A3GALT2: variants seen among roughly 807,000 people sequenced by gnomAD.
A3GALT2 encodes alpha-1,3-galactosyltransferase 2.
Under a neutral mutation model 16.6 loss-of-function variants are expected in A3GALT2, and 14 were observed. The observed-to-expected ratio is 0.84, with a 90% CI of 0.56 to 1.32. The LOEUF (loss-of-function observed/expected upper bound fraction) is 1.32. A3GALT2 is among the 40% of genes most tolerant of loss of function. The probability of loss-of-function intolerance (pLI) is 0.00; values close to 1 mark genes in which losing one functional copy is unlikely to be tolerated. For synonymous variants in A3GALT2, 253 were observed against 218.0 expected (o/e 1.16, Z -1.42); for missense variants, 600 against 490.9 (o/e 1.22, Z -2.10).
At chr1:33,314,477 G>A (rs1021917902) in intron 1 of A3GALT2, 2 of 152,526 alleles carry the variant, frequency 1.3e-5, no homozygotes, top group African/African-American at 4.8e-5. Context: ...CAGCAGGTGT[G>A]TCTAGTAAAG....
At position 33,306,921 on chromosome 1, in the gene A3GALT2, C is replaced by G; in HGVS notation, c.868G>C (p.Asp290His). Reference protein sequence around the residue: ...RARGLEARWHDESHLNKFFWL... With the variant: ...RARGLEARWHHESHLNKFFWL... ...AAGAACTTGTTGAGGTGGCTCTCGT[C>G]GTGCCAGCGCGCCTCCAGGCCGCGC... is the stretch of plus-strand genomic sequence containing the variant. Residue 290 changes from aspartate to histidine, a missense_variant, in exon 5 of 5, where the codon GAC becomes CAC. Transcript: ENST00000442999. 6.6e-7 allele frequency: 1 copy of G among 1,518,856 alleles called. No homozygotes were observed. The highest frequency in any genetic ancestry group is 8.8e-7 in the Non-Finnish European group (1 of 1,139,490). The allele number at this position is 1,518,856 out of a possible 1,614,324, so 94.1% of individuals were successfully genotyped here.
chr1:33,312,654 C>T, intron 2 of A3GALT2, 64 bp from the exon 3 acceptor site: 1 of 1,490,542 alleles, frequency 6.7e-7, no homozygotes. Context: ...GGCCAGGAGC[C>T]CTCTGGCTTT....
intron 1 of A3GALT2, among the ~76,000 whole-genome samples, chr1:33,317,482 G>C (rs1646267012): frequency 6.6e-6 from 1 of 152,154 alleles, no homozygotes; most frequent in Non-Finnish European, 1.5e-5. Context: ...GTGGTTTCCT[G>C]CTGAGTGCAG....
At chr1:33,310,306 AGGGAGAGGGAGACCG>A (rs376686721) in intron 4 of A3GALT2, among the ~76,000 whole-genome samples, 2,132 of 151,754 alleles carry the variant, frequency 0.014, 41 homozygotes, top group African/African-American at 0.048. Context: ...AGAGAGGGAG[AGGGAGAGGGAGACCG>A]GGGAGAGGGA....
chr1:33,315,257 C>A (rs978722666), intron 1 of A3GALT2, among the ~76,000 whole-genome samples: 1 of 151,954 alleles, frequency 6.6e-6, no homozygotes, highest in African/African-American at 2.4e-5. Flanking sequence ...TGGCACGCGT[C>A]GGTAGTCCCA....
intron 4 of A3GALT2, among the ~76,000 whole-genome samples, chr1:33,310,687 C>T (rs1341211801): frequency 3.9e-5 from 6 of 152,170 alleles, no homozygotes; most frequent in Non-Finnish European, 7.4e-5. Flanking sequence ...TGCTCTATTC[C>T]TGGTGACTGT....
intron 4 of A3GALT2, among the ~76,000 whole-genome samples, chr1:33,309,451 C>A (rs927465808): frequency 6.6e-6 from 1 of 151,738 alleles, no homozygotes; most frequent in East Asian, 1.9e-4. Flanking sequence ...CTGTCCCCCA[C>A]GTCCCTCCCG....
At chr1:33,319,820 C>T (rs1227731803) in intron 1 of A3GALT2, among the ~76,000 whole-genome samples, 3 of 152,142 alleles carry the variant, frequency 2.0e-5, no homozygotes, top group Non-Finnish European at 2.9e-5. Flanking sequence ...ATCAACTAAT[C>T]AGCTTGTTTC....
In A3GALT2 at chr1:33,309,921, C is replaced by T. The variant is rs534626326; in HGVS notation, c.335+2131G>A. Among the ~76,000 whole-genome samples, 407 of 152,374 alleles carry T rather than the reference C, an allele frequency of 2.7e-3. 1 individual carries two copies. The highest frequency in any genetic ancestry group is 9.4e-3 in the African/African-American group (389 of 41,592). The stretch of plus-strand genomic sequence containing the variant: ...TGGGGAGGCGGCCGGGCAGAGGCTG[C>T]AATCTCGGCACTTTGGTAGGCCAAG... On this transcript the variant is annotated intron_variant, in intron 4 of 4. Transcript: ENST00000442999.
At position 33,312,544 on chromosome 1, in the gene A3GALT2, T is replaced by G. The variant is rs1646239377; in HGVS notation, c.154A>C (p.Met52Leu). ...IPMGVCPSAT[M>L]SQLRDNFTGA... ...GTGAAGTTGTCTCTCAGCTGGGACA[T>G]TGTGGCCGAAGGGCAGACGCCCATG... The change falls in exon 3 of 5, where the codon ATG (methionine) becomes CTG (leucine). Residue 52 changes from methionine (M) to leucine (L), a missense_variant. Transcript: ENST00000442999. 6.2e-7 allele frequency: 1 copy of G among 1,603,556 alleles called. No individual in the cohort carries two copies. Among genetic ancestry groups the G allele is most frequent in the African/African-American group, 1.3e-5 (1 of 74,546 alleles).
chr1:33,319,682 T>C (rs571697854), intron 1 of A3GALT2, among the ~76,000 whole-genome samples: 172 of 152,240 alleles, frequency 1.1e-3, no homozygotes, highest in Non-Finnish European at 1.7e-3. Flanking sequence ...CGTTCTTGCC[T>C]GGGGGCTCCC....
Position 33,312,605 on chromosome 1 carries a change from G to T in A3GALT2, c.108-15C>A. On this transcript the variant is annotated splice_polypyrimidine_tract_variant and intron_variant, in intron 2 of 4. Coordinates refer to ENST00000442999, the MANE Select transcript of A3GALT2 (RefSeq NM_001080438.1). ...CTTCCAGATGCCTGTGGTGGGTTGA[G>T]GGGCGGGGGGCAGGCAGCCGTGAGA... is the stretch of plus-strand genomic sequence containing the variant. 6.4e-7 allele frequency: 1 copy of T among 1,560,908 alleles called. No homozygotes were observed. Among genetic ancestry groups the T allele is most frequent in the Non-Finnish European group, 8.7e-7 (1 of 1,150,604 alleles).
At chr1:33,309,227 T>C (rs1646219847) in intron 4 of A3GALT2, among the ~76,000 whole-genome samples, 1 of 152,264 alleles carries the variant, frequency 6.6e-6, no homozygotes, top group African/African-American at 2.4e-5. Flanking sequence ...TTCCCCCTTT[T>C]CTATTCGACA....
chr1:33,312,025 A>C lies in A3GALT2; in HGVS notation c.335+27T>G, dbSNP rs201189947. On this transcript the variant is annotated intron_variant, in intron 4 of 4. Coordinates refer to ENST00000442999, the MANE Select transcript of A3GALT2 (RefSeq NM_001080438.1). ...CACCCCTCCCACTCACAGCTTTGAC[A>C]GCACTGCTCCCCTTCCCAGGCCTTA... 8.2e-4 allele frequency: 1,327 copies of C among 1,612,850 alleles called. 2 individuals are homozygous for C. The highest frequency in any genetic ancestry group is 8.9e-4 in the Non-Finnish European group (1,049 of 1,179,524).
rs1295908945 is a variant in A3GALT2, at chr1:33,306,820, G to T, written c.969C>A (p.Ile323=). The change falls in exon 5 of 5, where the codon ATC becomes ATA. Residue 323 remains isoleucine (I), a synonymous_variant. Coordinates refer to ENST00000442999, the MANE Select transcript of A3GALT2 (RefSeq NM_001080438.1). ...WSPDIGPRAE[I]RRPRLLWAPK... is the part of the protein sequence containing the mutation. ...GCGCCCACAGCAGTCGCGGGCGGCG[G>T]ATCTCGGCCCGCGGGCCGATGTCCG... 2.0e-6 allele frequency: 3 copies of T among 1,483,012 alleles called. No homozygotes were observed. Among genetic ancestry groups the T allele is most frequent in the Non-Finnish European group, 1.8e-6 (2 of 1,123,572 alleles). 91.9% of individuals were successfully genotyped at this position (1,483,012 alleles called of 1,614,324 possible).
chr1:33,308,764 T>TTG lies in A3GALT2; in HGVS notation c.336-1312_336-1311insCA, dbSNP rs1646217243. On this transcript the variant is annotated intron_variant, in intron 4 of 4. Transcript: ENST00000442999. Reference sequence around the variant, plus strand: ...ATGTCAAAGTTGTTTTTTTTTTTTTTTTTTTTTTTTTTTTTTAGTATTTAT... The same window carrying TTG: ...ATGTCAAAGTTGTTTTTTTTTTTTTTTGTTTTTTTTTTTTTTTTAGTATTTAT... Among the ~76,000 whole-genome samples the TTG allele has an allele frequency of 1.3e-4, 15 of 117,914 alleles. No individual in the cohort carries two copies. The South Asian group carries it at 1.5e-3, about 12-fold the overall frequency. The allele number at this position is 117,914 out of a possible 152,430, so 77.4% of individuals were successfully genotyped here. A position where few individuals can be genotyped will look rare whatever the true frequency, so the allele number is the denominator to read the frequency against.
chr1:33,318,969 T>G (rs1476307116), intron 1 of A3GALT2, among the ~76,000 whole-genome samples: 1 of 152,252 alleles, frequency 6.6e-6, no homozygotes, highest in Non-Finnish European at 1.5e-5. Flanking sequence ...ACTCCTTTGC[T>G]TAAAACTCCA....
At chr1:33,310,106 A>G (rs1419210659) in intron 4 of A3GALT2, among the ~76,000 whole-genome samples, 3 of 152,270 alleles carry the variant, frequency 2.0e-5, no homozygotes, top group African/African-American at 7.2e-5. Flanking sequence ...GCTGGAGACC[A>G]GCCCGGCCAA....
chr1:33,307,357 CG>C lies in A3GALT2; in HGVS notation c.431del (p.Pro144ArgfsTer125). The C allele has an allele frequency of 6.4e-7, 1 of 1,550,826 alleles. No individual in the cohort carries two copies. Among genetic ancestry groups the C allele is most frequent in the Non-Finnish European group, 8.7e-7 (1 of 1,155,910 alleles). The part of the protein sequence containing the change: ...SVMYYVFTEL[P>X]GAVPRVALGP... The stretch of plus-strand genomic sequence containing the variant: ...CCAGCGCCACGCGGGGCACCGCTCC[CG>C]GAAGCTCGGTGAACACGTAGTACAT... On this transcript the variant is annotated frameshift_variant, in exon 5 of 5. Transcript: ENST00000442999. LOFTEE classifies it low-confidence loss of function (END_TRUNC).
Sources: allele counts gnomAD v4.1 joint callset (sites outside exome capture counted in the v4.1 genomes callset), GRCh38; gene constraint gnomAD v4.1.1; transcripts MANE v1.5; gene names NCBI Gene and HGNC (gene_info 2026-07-23, HGNC 2026-07-21).